Variants in ITPRID2 observed in about 807,000 individuals in gnomAD.
The protein encoded by ITPRID2 is ITPR interacting domain containing 2.
In ITPRID2, 60 loss-of-function variants were observed where a neutral mutation model predicts 124.3. The ratio of observed to expected loss-of-function variants is 0.48; its 90% CI spans 0.39 to 0.60. The LOEUF is 0.60. ITPRID2 is among the 20% of genes least tolerant of loss of function. ITPRID2 has a pLI of 0.00. For synonymous variants in ITPRID2, 521 were observed against 542.9 expected (o/e 0.96, Z 0.56); for missense variants, 1,553 against 1,512.2 (o/e 1.03, Z -0.45).
chr2:181,892,775 C>A lies in ITPRID2; in HGVS notation c.257+115C>A. On this transcript the variant is annotated intron_variant, in intron 2 of 17. Transcript: ENST00000431877. This position sits in a 1 kb window ranked among gnomAD's most constrained non-coding sequence, Gnocchi z 5.2. ...TCCCGCGACCGTTGTAAGCTACAAA[C>A]CGGAAAGTGAGCCGGCGGATAGCTT... 2 of 1,262,100 alleles carry A rather than the reference C, an allele frequency of 1.6e-6. No homozygotes were observed. Among genetic ancestry groups the A allele is most frequent in the Non-Finnish European group, 2.3e-6 (2 of 878,734 alleles). 78.2% of individuals were successfully genotyped at this position (1,262,100 alleles called of 1,614,324 possible). A position where few individuals can be genotyped will look rare whatever the true frequency, so the allele number is the denominator to read the frequency against.
In ITPRID2 at chr2:181,902,578, C is replaced by A; in HGVS notation, c.1413+112C>A. The A allele has an allele frequency of 1.3e-6, 1 of 775,396 alleles. No individual in the cohort carries two copies. The allele number at this position is 775,396 out of a possible 1,614,324, so 48.0% of individuals were successfully genotyped here. ...TAGATTTATACTAGAAAAATTTATTCTAATTTTGACTTTCCAGGTTTATGT... is the reference window on the plus strand; with the variant it reads ...TAGATTTATACTAGAAAAATTTATTATAATTTTGACTTTCCAGGTTTATGT... On this transcript the variant is annotated intron_variant, in intron 8 of 17. Coordinates refer to ENST00000431877, the MANE Select transcript of ITPRID2 (RefSeq NM_001130445.3). The surrounding 1 kb of genome is among the most constrained non-coding windows in gnomAD (Gnocchi z 4.4).
chr2:181,913,367 C>A (rs1693776442), intron 9 of ITPRID2, among the ~76,000 whole-genome samples: 1 of 152,128 alleles, frequency 6.6e-6, no homozygotes, highest in Admixed American at 6.5e-5. Context: ...GCGCCCAGCC[C>A]TAACTGTGTT....
intron 16 of ITPRID2, among the ~76,000 whole-genome samples, chr2:181,926,638 A>G (rs977865672): frequency 5.4e-5 from 8 of 149,362 alleles, no homozygotes; most frequent in African/African-American, 9.9e-5. Flanking sequence ...GCGTGAACCC[A>G]GGAGGCGGAG....
rs373198665 is a variant in ITPRID2, at chr2:181,919,429, C to T, written c.3127C>T (p.Arg1043Cys). Residue 1043 changes from arginine (R) to cysteine (C), a missense_variant, in exon 14 of 18, where the codon CGC becomes TGC. Coordinates refer to ENST00000431877, the MANE Select transcript of ITPRID2 (RefSeq NM_001130445.3). This position sits in a 1 kb window ranked among gnomAD's most constrained non-coding sequence, Gnocchi z 4.2. ...LRAVRMPSPF[R>C]SSALMGMCGS... ...TGCTGTGCGCATGCCTTCACCCTTC[C>T]GCTCCTCCGCACTCATGGTACGCTA... The T allele has an allele frequency of 2.2e-5, 35 of 1,602,966 alleles. No individual in the cohort carries two copies. The highest frequency in any genetic ancestry group is 3.5e-4 in the Middle Eastern group (2 of 5,720).
chr2:181,900,404 T>C (rs1692564509), intron 6 of ITPRID2, among the ~76,000 whole-genome samples: 1 of 152,136 alleles, frequency 6.6e-6, no homozygotes, highest in Non-Finnish European at 1.5e-5. Flanking sequence ...TCTCTTAAAA[T>C]GACAAAACAA....
chr2:181,928,582 G>C (rs1031508694), intron 17 of ITPRID2, among the ~76,000 whole-genome samples: 1 of 151,318 alleles, frequency 6.6e-6, no homozygotes, highest in Non-Finnish European at 1.5e-5. Flanking sequence ...TGGTATTTCA[G>C]ATGTATAGTT....
At position 181,896,782 on chromosome 2, in the gene ITPRID2, A is replaced by G. The variant is rs1441537218; in HGVS notation, c.308-126A>G. Reference sequence around the variant, plus strand: ...TATATAATCAGAATAATGTCTGAGTACATTCAAGTCTGAAAGATTTTACTG... The same window carrying G: ...TATATAATCAGAATAATGTCTGAGTGCATTCAAGTCTGAAAGATTTTACTG... On this transcript the variant is annotated intron_variant, in intron 3 of 17. Transcript: ENST00000431877. The surrounding 1 kb of genome is among the most constrained non-coding windows in gnomAD (Gnocchi z 4.3). 3 of 726,998 alleles carry G rather than the reference A, an allele frequency of 4.1e-6. No homozygotes were observed. In the African/African-American group the frequency reaches 5.3e-5, roughly 13 times the overall value. The allele number at this position is 726,998 out of a possible 1,614,324, so 45.0% of individuals were successfully genotyped here. A position where few individuals can be genotyped will look rare whatever the true frequency, so the allele number is the denominator to read the frequency against.
intron 16 of ITPRID2, among the ~76,000 whole-genome samples, chr2:181,924,396 C>T (rs1296637305): frequency 6.6e-6 from 1 of 152,132 alleles, no homozygotes; most frequent in African/African-American, 2.4e-5. Flanking sequence ...TACCTAAATA[C>T]ATACTGTACT....
At position 181,896,007 on chromosome 2, in the gene ITPRID2, C is replaced by T. The variant is rs781330555; in HGVS notation, c.258-23C>T. The stretch of plus-strand genomic sequence containing the variant: ...CAAATAGCCTTTCACAAGACTAAGG[C>T]TTATACGTTTATATGGTTTCAGTAC... On this transcript the variant is annotated intron_variant, in intron 2 of 17. Transcript: ENST00000431877. This position sits in a 1 kb window ranked among gnomAD's most constrained non-coding sequence, Gnocchi z 4.3. 1.6e-5 allele frequency: 25 copies of T among 1,609,634 alleles called. No individual in the cohort carries two copies. The East Asian group carries it at 4.9e-4, about 32-fold the overall frequency.
chr2:181,928,827 C>T (rs1025138578), intron 17 of ITPRID2, among the ~76,000 whole-genome samples: 5 of 151,990 alleles, frequency 3.3e-5, no homozygotes, highest in African/African-American at 9.7e-5. Context: ...GGGGTTTCAC[C>T]GTTTTAGCCG....
Position 181,897,431 on chromosome 2 carries a change from GAC to G in ITPRID2, c.364+469_364+470del, listed in dbSNP as rs1259770962. Among the ~76,000 whole-genome samples, 25 of 152,082 alleles carry G rather than the reference GAC, an allele frequency of 1.6e-4. No individual in the cohort carries two copies. The East Asian group carries it at 4.8e-3, about 29-fold the overall frequency. ...GATTTTTAGAAAATTAAAGGGGAAA[GAC>G]AAAATAGCAGAGCTAATAGAATTTT... On this transcript the variant is annotated intron_variant, in intron 4 of 17. Transcript: ENST00000431877.
At chr2:181,920,392 T>C (rs1694392227) in intron 14 of ITPRID2, among the ~76,000 whole-genome samples, 1 of 152,218 alleles carries the variant, frequency 6.6e-6, no homozygotes, top group Non-Finnish European at 1.5e-5. Flanking sequence ...CAGTTTTAAC[T>C]CACAATAATG....
At chr2:181,898,743 A>T in intron 4 of ITPRID2, 137 bp from the exon 5 acceptor site, 1 of 726,784 alleles carries the variant, frequency 1.4e-6, no homozygotes, top group Non-Finnish European at 2.4e-6. Context: ...ATGCAGATTT[A>T]ATGGACCAAG....
At chr2:181,912,102 A>G (rs1438812638) in intron 9 of ITPRID2, among the ~76,000 whole-genome samples, 1 of 152,230 alleles carries the variant, frequency 6.6e-6, no homozygotes, top group African/African-American at 2.4e-5. Flanking sequence ...GCCTAGCCAG[A>G]TAGACAGTTT....
Position 181,902,078 on chromosome 2 carries a change from AG to A in ITPRID2, c.1026del (p.Lys342AsnfsTer6). The A allele has an allele frequency of 6.2e-7, 1 of 1,610,986 alleles. No individual in the cohort carries two copies. ...IEESGNKNDQKSQKIMKKKES... is the reference protein window; with the variant it reads ...IEESGNKNDQXSQKIMKKKES... ...GAAAGTGGCAATAAAAACGATCAAA[AG>A]TCTCAAAAAATTATGAAGAAGAAAG... On this transcript the variant is annotated frameshift_variant, in exon 8 of 18. Transcript: ENST00000431877. LOFTEE classifies it high-confidence loss of function. This position sits in a 1 kb window ranked among gnomAD's most constrained non-coding sequence, Gnocchi z 4.4.
rs1440234549 is a variant in ITPRID2 at position 181,910,002 on chromosome 2, C to A, written c.1486+31C>A. Reference sequence around the variant, plus strand: ...TGGACCAGTATCCACTAGTTCTGAGCACATTATCAAATATTAGTTGATTTG... The same window carrying A: ...TGGACCAGTATCCACTAGTTCTGAGAACATTATCAAATATTAGTTGATTTG... On this transcript the variant is annotated intron_variant, in intron 9 of 17. Coordinates refer to ENST00000431877, the MANE Select transcript of ITPRID2 (RefSeq NM_001130445.3). The surrounding 1 kb of genome is among the most constrained non-coding windows in gnomAD (Gnocchi z 4.1). 5 of 1,527,772 alleles carry A rather than the reference C, an allele frequency of 3.3e-6. No individual in the cohort carries two copies. Among genetic ancestry groups the A allele is most frequent in the Non-Finnish European group, 4.5e-6 (5 of 1,104,330 alleles). 94.6% of individuals were successfully genotyped at this position (1,527,772 alleles called of 1,614,324 possible).
chr2:181,913,908 A>T lies in ITPRID2; in HGVS notation c.1550A>T (p.Asp517Val). ...DSSGFAEDST[D>V]CLSLNHLQVQ... ...AGTGGTTTTGCTGAAGATTCTACAG[A>T]CTGCCTATCCCTTAATCATCTTCAG... The change falls in exon 10 of 18, where the codon GAC (aspartate) becomes GTC (valine). Residue 517 changes from aspartate (D) to valine (V), a missense_variant. Coordinates refer to ENST00000431877, the MANE Select transcript of ITPRID2 (RefSeq NM_001130445.3). 3 of 1,613,310 alleles carry T rather than the reference A, an allele frequency of 1.9e-6. No individual in the cohort carries two copies. The highest frequency in any genetic ancestry group is 2.5e-6 in the Non-Finnish European group (3 of 1,179,682).
At chr2:181,894,784 T>TAGAATTTGGAAGGGAGCAACTATA (rs1692053373) in intron 2 of ITPRID2, 1 of 152,094 alleles carries the variant, frequency 6.6e-6, no homozygotes, top group Non-Finnish European at 1.5e-5. Context: ...GAGATTTTGA[T>TAGAATTTGGAAGGGAGCAACTATA]AGAATTTGGA....
intron 7 of ITPRID2, 132 bp from the exon 8 acceptor site, chr2:181,901,634 G>GA (rs1323033571): frequency 7.1e-5 from 47 of 662,500 alleles, no homozygotes; most frequent in African/African-American, 7.0e-4. Flanking sequence ...GTTAGATGAG[G>GA]AAAAAATAGG....
Sources: allele counts gnomAD v4.1 joint callset (sites outside exome capture counted in the v4.1 genomes callset), GRCh38; gene constraint gnomAD v4.1.1; non-coding constraint Gnocchi (gnomAD v3.1); transcripts MANE v1.5; gene names NCBI Gene and HGNC (gene_info 2026-07-23, HGNC 2026-07-21).